Variants in HDAC9 observed in about 807,000 individuals in gnomAD.
HDAC9 encodes histone deacetylase 9.
HDAC9 carries 41 observed loss-of-function variants against 139.4 expected under a neutral mutation model. That is an observed-to-expected ratio of 0.29 (90% CI 0.23 to 0.38). The LOEUF (loss-of-function observed/expected upper bound fraction) is 0.38. Ranked by LOEUF, HDAC9 falls within the 10% of genes least tolerant of loss-of-function variation. HDAC9 has a pLI of 1.00. For synonymous variants in HDAC9, 517 were observed against 476.2 expected (o/e 1.09, Z -1.12); for missense variants, 1,147 against 1,297.0 (o/e 0.88, Z 1.78).
At chr7:18,985,197 A>C (rs1383163639) in intron 25 of HDAC9, among the ~76,000 whole-genome samples, 1 of 152,128 alleles carries the variant, frequency 6.6e-6, no homozygotes, top group Non-Finnish European at 1.5e-5. Context: ...AGCATTAGGT[A>C]TATCTCCCAA....
intron 1 of HDAC9, among the ~76,000 whole-genome samples, chr7:18,097,465 C>CT (rs34184774): frequency 0.57 from 78,952 of 139,624 alleles, 25,103 homozygotes; most frequent in East Asian, 0.76. Context: ...ACACTTTTAC[C>CT]TTTTTTTTTT....
chr7:18,217,406 C>A (rs1792392959), intron 2 of HDAC9, among the ~76,000 whole-genome samples: 1 of 151,888 alleles, frequency 6.6e-6, no homozygotes, highest in Admixed American at 6.6e-5. Flanking sequence ...CTGTTTTTAT[C>A]TTTATTATTT....
At chr7:18,487,261 A>T (rs994169183) in intron 1 of HDAC9, among the ~76,000 whole-genome samples, 3 of 152,122 alleles carry the variant, frequency 2.0e-5, no homozygotes, top group African/African-American at 7.2e-5. Context: ...AAAAGTCATC[A>T]TAAGGGACAA....
intron 2 of HDAC9, among the ~76,000 whole-genome samples, chr7:18,244,667 G>A (rs977150797): frequency 2.2e-4 from 33 of 152,018 alleles, no homozygotes; most frequent in African/African-American, 6.5e-4. Flanking sequence ...GCGTGGTGGC[G>A]GGCGCCTGTA....
At chr7:18,172,727 G>T (rs1448467175) in intron 2 of HDAC9, among the ~76,000 whole-genome samples, 1 of 152,202 alleles carries the variant, frequency 6.6e-6, no homozygotes, top group East Asian at 1.9e-4. Flanking sequence ...TCATTCAGGA[G>T]CAGGTTGTTC....
intron 1 of HDAC9, among the ~76,000 whole-genome samples, chr7:18,374,113 A>T (rs1453294195): frequency 6.6e-6 from 1 of 151,704 alleles, no homozygotes; most frequent in African/African-American, 2.4e-5. Flanking sequence ...CATACTATGC[A>T]TATATATCAT....
At chr7:18,921,320 TG>T (rs1803699105) in intron 22 of HDAC9, among the ~76,000 whole-genome samples, 1 of 152,094 alleles carries the variant, frequency 6.6e-6, no homozygotes, top group Admixed American at 6.5e-5. Context: ...AGAAAATTTT[TG>T]CAACCTGCTT....
chr7:18,104,355 AT>A (rs927081887), intron 1 of HDAC9, among the ~76,000 whole-genome samples: 1 of 152,002 alleles, frequency 6.6e-6, no homozygotes, highest in Non-Finnish European at 1.5e-5. Context: ...AAAGGCCTTC[AT>A]TTTTTTAAAA....
intron 2 of HDAC9, among the ~76,000 whole-genome samples, chr7:18,578,618 C>G (rs937888566): frequency 2.0e-5 from 3 of 152,182 alleles, no homozygotes; most frequent in Non-Finnish European, 4.4e-5. Flanking sequence ...GGACATTTAT[C>G]AGGCAAAGAA....
chr7:18,516,558 T>C (rs886442735), intron 2 of HDAC9, among the ~76,000 whole-genome samples: 2 of 152,118 alleles, frequency 1.3e-5, no homozygotes, highest in African/African-American at 4.8e-5. Flanking sequence ...CAAATTCACA[T>C]TCTAGATAGT....
chr7:18,859,806 G>T (rs1186237125), intron 21 of HDAC9, among the ~76,000 whole-genome samples: 2 of 72,674 alleles, frequency 2.8e-5, no homozygotes, highest in Non-Finnish European at 2.6e-5. Flanking sequence ...AAAGGCTAAC[G>T]CTCTCATATA....
chr7:18,294,202 A>G (rs1797997715), intron 1 of HDAC9, among the ~76,000 whole-genome samples: 1 of 152,108 alleles, frequency 6.6e-6, no homozygotes, highest in African/African-American at 2.4e-5. Flanking sequence ...TATTCTAACT[A>G]CATTGTACTG....
At chr7:18,831,334 G>A (rs1305127999) in intron 19 of HDAC9, among the ~76,000 whole-genome samples, 3 of 152,166 alleles carry the variant, frequency 2.0e-5, no homozygotes, top group African/African-American at 7.2e-5. Flanking sequence ...TTCAGAGGAT[G>A]TATATGTAAA....
intron 1 of HDAC9, among the ~76,000 whole-genome samples, chr7:18,306,937 CT>C (rs1798951970): frequency 6.6e-6 from 1 of 152,152 alleles, no homozygotes; most frequent in Non-Finnish European, 1.5e-5. Flanking sequence ...CCCTGGTCAT[CT>C]GAGCCAGCAG....
At chr7:18,516,462 C>T (rs1252643303) in intron 2 of HDAC9, among the ~76,000 whole-genome samples, 1 of 152,112 alleles carries the variant, frequency 6.6e-6, no homozygotes, top group Non-Finnish European at 1.5e-5. Flanking sequence ...ATCCTATTTA[C>T]TTAAGAACAG....
At chr7:18,729,086 G>GT (rs1785807673) in intron 13 of HDAC9, among the ~76,000 whole-genome samples, 1 of 152,218 alleles carries the variant, frequency 6.6e-6, no homozygotes, top group African/African-American at 2.4e-5. Context: ...GATTCACCGA[G>GT]TTTTTGCTCA....
chr7:18,244,997 CTA>C (rs1794429135), intron 2 of HDAC9, among the ~76,000 whole-genome samples: 1 of 151,774 alleles, frequency 6.6e-6, no homozygotes, highest in Admixed American at 6.6e-5. Context: ...TAATCTGCAT[CTA>C]TCTATCTATC....
intron 1 of HDAC9, among the ~76,000 whole-genome samples, chr7:18,113,861 TATTA>T (rs1273074393): frequency 6.6e-6 from 1 of 152,206 alleles, no homozygotes; most frequent in South Asian, 2.1e-4. Context: ...TTTTCTGAAA[TATTA>T]ATTATCCTAA....
chr7:18,705,226 TGTC>T (rs1400787625), intron 12 of HDAC9, among the ~76,000 whole-genome samples: 1 of 152,194 alleles, frequency 6.6e-6, no homozygotes, highest in Non-Finnish European at 1.5e-5. Flanking sequence ...CTTGCCAAAA[TGTC>T]AGCCCCTTGA....
Sources: gnomAD v4.1 joint callset for allele counts (sites outside exome capture counted in the v4.1 genomes callset) on GRCh38, gnomAD v4.1.1 for gene constraint, MANE v1.5 for transcripts, NCBI Gene and HGNC (gene_info 2026-07-23, HGNC 2026-07-21) for gene names.